MSL2: variants seen among roughly 807,000 people sequenced by gnomAD.
The protein encoded by MSL2 is MSL complex subunit 2.
A neutral mutation model predicts 35.8 loss-of-function variants in MSL2; 2 were observed. That is an observed-to-expected ratio of 0.06 (90% CI 0.02 to 0.18). The LOEUF is 0.18. Among genes scored for constraint, MSL2 ranks in the 10% least tolerant of loss-of-function variants. MSL2 has a pLI of 1.00. For synonymous variants in MSL2, 296 were observed against 255.7 expected (o/e 1.16, Z -1.50); for missense variants, 523 against 706.7 (o/e 0.74, Z 2.95).
intron 1 of MSL2, chr3:136,194,487 G>A (rs1196827868): frequency 1.0e-6 from 1 of 984,784 alleles, no homozygotes; most frequent in Admixed American, 6.2e-5. Context: ...CTGGGGCAAA[G>A]TTCCGCGCCG....
rs1314453506 is a variant in MSL2, at chr3:136,183,562, C to T, written c.142+11410G>A. Among the ~76,000 whole-genome samples, 6 of 152,158 alleles carry T rather than the reference C, an allele frequency of 3.9e-5. No homozygotes were observed. The East Asian group carries it at 9.6e-4, about 24-fold the overall frequency. On this transcript the variant is annotated intron_variant, in intron 1 of 1. Transcript: ENST00000309993. ...TCAGCCTCCCAAGGGTCTGTGACTA[C>T]AGGCACGCACCAACCATGTCCAGCT...
In MSL2 at chr3:136,195,351, A is replaced by C; in HGVS notation, c.-238T>G. The C allele has an allele frequency of 3.9e-6, 5 of 1,273,458 alleles. No individual in the cohort carries two copies. The highest frequency in any genetic ancestry group is 2.0e-5 in the South Asian group (1 of 50,558). 78.9% of individuals were successfully genotyped at this position (1,273,458 alleles called of 1,614,324 possible). The stretch of plus-strand genomic sequence containing the variant: ...TCCAGACCAAAAATATGAGAGAGAA[A>C]CCAGCGTTCGAGTTCGTCCGGAGCG... On this transcript the variant is annotated 5_prime_UTR_variant, in exon 1 of 2. Coordinates refer to ENST00000309993, the MANE Select transcript of MSL2 (RefSeq NM_018133.4).
chr3:136,155,603 G>C, intron 1 of MSL2: 1 of 343,712 alleles, frequency 2.9e-6, no homozygotes, highest in South Asian at 3.2e-5. Flanking sequence ...CCCAAGAGGA[G>C]CCTGCTTTTC....
At chr3:136,157,361 T>C (rs1939564229) in intron 1 of MSL2, among the ~76,000 whole-genome samples, 1 of 151,910 alleles carries the variant, frequency 6.6e-6, no homozygotes, top group African/African-American at 2.4e-5. Flanking sequence ...ACAAAAATTA[T>C]CCAAGGGTGG....
intron 1 of MSL2, among the ~76,000 whole-genome samples, 189 bp downstream of exon 1, chr3:136,194,783 G>A (rs963012392): frequency 2.0e-5 from 3 of 151,994 alleles, no homozygotes; most frequent in Admixed American, 1.3e-4. Flanking sequence ...CGGTATGAAA[G>A]GGTTCTCTGC....
At chr3:136,172,189 T>C (rs1174030898) in intron 1 of MSL2, among the ~76,000 whole-genome samples, 1 of 152,208 alleles carries the variant, frequency 6.6e-6, no homozygotes, top group South Asian at 2.1e-4. Flanking sequence ...GTCAATTTTT[T>C]CATGCTTCCA....
intron 1 of MSL2, among the ~76,000 whole-genome samples, chr3:136,153,831 C>T (rs1231513639): frequency 6.6e-6 from 1 of 151,818 alleles, no homozygotes; most frequent in East Asian, 1.9e-4. Flanking sequence ...GCCTGTAACC[C>T]CAGCACTTTG....
At chr3:136,169,948 C>G (rs188410107) in intron 1 of MSL2, among the ~76,000 whole-genome samples, 1 of 151,284 alleles carries the variant, frequency 6.6e-6, no homozygotes, top group Non-Finnish European at 1.5e-5. Flanking sequence ...CCCAGTTACT[C>G]GGGCTGAGGC....
At chr3:136,173,836 C>T (rs540605872) in intron 1 of MSL2, among the ~76,000 whole-genome samples, 19 of 152,228 alleles carry the variant, frequency 1.2e-4, no homozygotes, top group African/African-American at 3.4e-4. Flanking sequence ...ACCTGTCTTC[C>T]ACCCCAAATC....
intron 1 of MSL2, among the ~76,000 whole-genome samples, chr3:136,189,139 C>CAA (rs1940611208): frequency 1.3e-5 from 1 of 75,228 alleles, no homozygotes; most frequent in Admixed American, 1.5e-4. Context: ...AAAAAAAACA[C>CAA]ACACACAAAA....
chr3:136,186,092 C>G (rs1292026818), intron 1 of MSL2, among the ~76,000 whole-genome samples: 1 of 152,184 alleles, frequency 6.6e-6, no homozygotes, highest in South Asian at 2.1e-4. Flanking sequence ...TACATTACTT[C>G]AAACCTAGAC....
intron 1 of MSL2, among the ~76,000 whole-genome samples, chr3:136,157,931 C>A (rs1422156718): frequency 6.6e-6 from 1 of 152,106 alleles, no homozygotes; most frequent in Non-Finnish European, 1.5e-5. Context: ...GGAATAACAC[C>A]CAAACATAGA....
At chr3:136,182,690 T>C (rs557771432) in intron 1 of MSL2, among the ~76,000 whole-genome samples, 12 of 147,050 alleles carry the variant, frequency 8.2e-5, no homozygotes, top group African/African-American at 2.5e-4. Context: ...CACTCCAGCC[T>C]GGGAGACAGA....
intron 1 of MSL2, among the ~76,000 whole-genome samples, chr3:136,158,836 CTAATTTTTTA>C (rs1939609677): frequency 6.6e-6 from 1 of 152,150 alleles, no homozygotes; most frequent in Non-Finnish European, 1.5e-5. Context: ...AATGAACAAA[CTAATTTTTTA>C]AAATTCCATT....
chr3:136,169,642 G>T (rs1224878184), intron 1 of MSL2, among the ~76,000 whole-genome samples: 1 of 151,984 alleles, frequency 6.6e-6, no homozygotes, highest in Non-Finnish European at 1.5e-5. Context: ...TAGAGACGGG[G>T]TTTCACCATG....
intron 1 of MSL2, chr3:136,155,974 T>C: frequency 2.4e-6 from 1 of 413,960 alleles, no homozygotes; most frequent in Non-Finnish European, 4.9e-6. Context: ...TGCTTTAAAA[T>C]AATGAATACA....
Position 136,151,786 on chromosome 3 carries a change from T to C in MSL2, c.1095A>G (p.Thr365=). 6.2e-7 allele frequency: 1 copy of C among 1,614,152 alleles called. No individual in the cohort carries two copies. The highest frequency in any genetic ancestry group is 8.5e-7 in the Non-Finnish European group (1 of 1,180,036). ...LPISTIIRGP[T]LGASAPVTVK... Reference sequence around the variant, plus strand: ...CTGTCACAGGAGCAGATGCCCCCAGTGTTGGGCCTCGGATAATGGTAGAAA... The same window carrying C: ...CTGTCACAGGAGCAGATGCCCCCAGCGTTGGGCCTCGGATAATGGTAGAAA... The change falls in exon 2 of 2, where the codon ACA becomes ACG. Residue 365 remains threonine (T), a synonymous_variant. Coordinates refer to ENST00000309993, the MANE Select transcript of MSL2 (RefSeq NM_018133.4). The surrounding 1 kb of genome is among the most constrained non-coding windows in gnomAD (Gnocchi z 5.2).
chr3:136,156,447 C>T (rs1576355719), intron 1 of MSL2, among the ~76,000 whole-genome samples: 1 of 152,282 alleles, frequency 6.6e-6, no homozygotes. Context: ...AGGCAAGTTT[C>T]CATCATCTAC....
intron 1 of MSL2, among the ~76,000 whole-genome samples, chr3:136,186,045 T>C (rs1005952198): frequency 6.6e-6 from 1 of 152,198 alleles, no homozygotes; most frequent in African/African-American, 2.4e-5. Flanking sequence ...ACCATATCGC[T>C]AAAAATCCCT....
Sources: gnomAD v4.1 joint callset for allele counts (sites outside exome capture counted in the v4.1 genomes callset) on GRCh38, gnomAD v4.1.1 for gene constraint, Gnocchi (gnomAD v3.1) non-coding constraint, MANE v1.5 for transcripts, NCBI Gene and HGNC (gene_info 2026-07-23, HGNC 2026-07-21) for gene names.